The following DOT1L variants were observed in gnomAD, a reference collection of about 807,000 sequenced individuals.
DOT1L encodes histone-lysine N-methyltransferase, H3 lysine-79 specific.
In DOT1L, 33 loss-of-function variants were observed where a neutral mutation model predicts 153.3. The observed-to-expected ratio is 0.22, with a 90% CI of 0.16 to 0.29. DOT1L has a LOEUF of 0.29. Ranked by LOEUF, DOT1L falls within the 10% of genes least tolerant of loss-of-function variation. The pLI is 1.00. For synonymous variants in DOT1L, 1,135 were observed against 965.1 expected, an observed-to-expected ratio of 1.18 and a Z score of -3.26; for missense variants, 1,847 against 2,119.9, an observed-to-expected ratio of 0.87 and a Z score of 2.53.
At chr19:2,224,657 C>T (rs538043080) in intron 25 of DOT1L, among the ~76,000 whole-genome samples, 139 of 152,064 alleles carry the variant, frequency 9.1e-4, no homozygotes, top group African/African-American at 3.0e-3. Flanking sequence ...TTATAGAGAT[C>T]GGGTTTTGCC....
intron 12 of DOT1L, among the ~76,000 whole-genome samples, 186 bp from the exon 13 acceptor site, chr19:2,210,214 C>T (rs2023658017): frequency 6.6e-6 from 1 of 152,276 alleles, no homozygotes; most frequent in Admixed American, 6.5e-5. Flanking sequence ...ACGTCCTGGC[C>T]TGCGGGGCCC....
rs1014064765 is a variant in DOT1L at position 2,190,806 on chromosome 19, C to T, written c.265-206C>T. Among the ~76,000 whole-genome samples, 1 of 151,828 alleles carries T rather than the reference C, an allele frequency of 6.6e-6. No homozygotes were observed. The highest frequency in any genetic ancestry group is 1.5e-5 in the Non-Finnish European group (1 of 67,952). ...CTCCTAGGACCCCTCTGAGTTGGGG[C>T]CTGTCCCTGGGGATGCTGCTTTACT... On this transcript the variant is annotated intron_variant, in intron 4 of 27. Transcript: ENST00000398665. This position sits in a 1 kb window ranked among gnomAD's most constrained non-coding sequence, Gnocchi z 4.8.
chr19:2,213,417 C>G lies in DOT1L; in HGVS notation c.1558-122C>G, dbSNP rs2023782262. 8.2e-6 allele frequency: 8 copies of G among 979,164 alleles called. No homozygotes were observed. In the South Asian group the frequency reaches 1.3e-4, roughly 15 times the overall value. 60.7% of individuals were successfully genotyped at this position (979,164 alleles called of 1,614,324 possible). ...TGACATCTCAGCCCGGTGTGGGTCC[C>G]CTCAGGCATGTCTGTCCTTGAGCGT... On this transcript the variant is annotated intron_variant, in intron 16 of 27. Transcript: ENST00000398665.
intron 1 of DOT1L, among the ~76,000 whole-genome samples, chr19:2,174,558 C>T (rs559882413): frequency 3.3e-5 from 5 of 150,828 alleles, no homozygotes; most frequent in East Asian, 1.9e-4. Flanking sequence ...TGGTGGCGCA[C>T]GCCTGTAATC....
rs116727017 is a variant in DOT1L at position 2,167,210 on chromosome 19, G to T, written c.81+2945G>T. ...CAGTGTTCGCGTGGCGAGGTTCTCA[G>T]GGGTGGACCGCACGGCCTGTGCTAA... is the stretch of plus-strand genomic sequence containing the variant. On this transcript the variant is annotated intron_variant, in intron 1 of 27. Transcript: ENST00000398665. 3.6e-3 allele frequency among the ~76,000 whole-genome samples: 545 copies of T among 152,244 alleles called. 3 individuals carry two copies. The highest frequency in any genetic ancestry group is 0.01 in the African/African-American group (432 of 41,556).
At position 2,210,740 on chromosome 19, in the gene DOT1L, G is replaced by T; in HGVS notation, c.1236G>T (p.Gly412=). Reference sequence around the variant, plus strand: ...GGAAGATGGCTGGCCGCAAGCGCGGGCGCCCCAAGAAGATGAACACTGCGA... The same window carrying T: ...GGAAGATGGCTGGCCGCAAGCGCGGTCGCCCCAAGAAGATGAACACTGCGA... ...KGRKMAGRKR[G]RPKKMNTANP... Residue 412 remains glycine, a synonymous_variant, in exon 14 of 28, where the codon GGG becomes GGT. Transcript: ENST00000398665. 1 of 1,613,182 alleles carries T rather than the reference G, an allele frequency of 6.2e-7. No individual in the cohort carries two copies. Among genetic ancestry groups the T allele is most frequent in the South Asian group, 1.1e-5 (1 of 91,086 alleles).
At chr19:2,196,976 C>T (rs771343657) in intron 7 of DOT1L, among the ~76,000 whole-genome samples, 14 of 151,856 alleles carry the variant, frequency 9.2e-5, no homozygotes, top group Non-Finnish European at 1.6e-4. Context: ...TTCCTCACCC[C>T]GTTGCTGTGA....
rs533550857 is a variant in DOT1L, at chr19:2,231,200, G to C, written c.*1408G>C. 1 of 227,722 alleles carries C rather than the reference G, an allele frequency of 4.4e-6. No homozygotes were observed. Among genetic ancestry groups the C allele is most frequent in the African/African-American group, 2.2e-5 (1 of 44,980 alleles). The allele number at this position is 227,722 out of a possible 1,614,324, so 14.1% of individuals were successfully genotyped here. Reference sequence around the variant, plus strand: ...TGGGATCTGGGAGTCTGAGCTCCCCGCATCTGGCCCTGGGCTGTGTGGCAC... The same window carrying C: ...TGGGATCTGGGAGTCTGAGCTCCCCCCATCTGGCCCTGGGCTGTGTGGCAC... On this transcript the variant is annotated 3_prime_UTR_variant, in exon 28 of 28. Coordinates refer to ENST00000398665, the MANE Select transcript of DOT1L (RefSeq NM_032482.3).
chr19:2,165,191 G>A (rs2019861927), intron 1 of DOT1L, among the ~76,000 whole-genome samples: 1 of 152,202 alleles, frequency 6.6e-6, no homozygotes, highest in South Asian at 2.1e-4. Flanking sequence ...GAAAAGTGAA[G>A]CAGGCGCTGT....
chr19:2,229,238 T>C (rs1392435295), intron 27 of DOT1L: 1 of 985,374 alleles, frequency 1.0e-6, no homozygotes, highest in Non-Finnish European at 1.2e-6. Context: ...CGCTGACCCC[T>C]GAGGGCAGTT....
intron 1 of DOT1L, among the ~76,000 whole-genome samples, chr19:2,179,954 A>C (rs1164874033): frequency 6.6e-6 from 1 of 151,022 alleles, no homozygotes; most frequent in Non-Finnish European, 1.5e-5. Flanking sequence ...GGTGGCGTGC[A>C]CTTGGTCTCT....
chr19:2,226,104 G>A, intron 26 of DOT1L, 79 bp from the exon 27 acceptor site: 8 of 1,436,824 alleles, frequency 5.6e-6, no homozygotes, highest in Non-Finnish European at 7.3e-6. Context: ...CCCGGGCCGT[G>A]GCAGCAGCCC....
At chr19:2,174,986 GTGTGTGTGTATATA>G (rs1484278440) in intron 1 of DOT1L, among the ~76,000 whole-genome samples, 2 of 101,360 alleles carry the variant, frequency 2.0e-5, no homozygotes, top group East Asian at 3.0e-4. Flanking sequence ...GTGTGTGTGT[GTGTGTGTGTATATA>G]TATATTTTTT....
At chr19:2,227,254 C>A in intron 27 of DOT1L, 127 bp downstream of exon 27, 1 of 1,262,376 alleles carries the variant, frequency 7.9e-7, no homozygotes, top group Non-Finnish European at 1.2e-6. Flanking sequence ...GCCGGCCGGC[C>A]CCCGCCATCC....
Position 2,164,363 on chromosome 19 carries a change from C to A in DOT1L, c.81+98C>A, listed in dbSNP as rs571521780. ...CCCCCAAGCCGCGCTCACCGGTCCC[C>A]CCTGCGGAACGGAGACCCTGGACTC... is the stretch of plus-strand genomic sequence containing the variant. On this transcript the variant is annotated intron_variant, in intron 1 of 27. Coordinates refer to ENST00000398665, the MANE Select transcript of DOT1L (RefSeq NM_032482.3). 4.1e-3 allele frequency: 3,292 copies of A among 802,698 alleles called. 18 individuals carry two copies. The highest frequency in any genetic ancestry group is 0.011 in the Middle Eastern group (28 of 2,478). The allele number at this position is 802,698 out of a possible 1,614,324, so 49.7% of individuals were successfully genotyped here.
Position 2,222,260 on chromosome 19 carries a change from G to A in DOT1L, c.3091G>A (p.Asp1031Asn), listed in dbSNP as rs371443260. The change falls in exon 24 of 28, where the codon GAT becomes AAT. Residue 1031 changes from aspartate (D) to asparagine (N), a missense_variant. By Grantham distance (23) the Asp-to-Asn change is conservative. This residue lies in a region of DOT1L where 934 missense variants were observed against 825.3 expected (regional missense o/e 1.13). Transcript: ENST00000398665. The surrounding 1 kb of genome is among the most constrained non-coding windows in gnomAD (Gnocchi z 6.5). The stretch of plus-strand genomic sequence containing the variant: ...GGCCAGCAAGGGAGACCTGCCCTCC[G>A]ATTCCGGCTTCTCAGATCCTGAGAG... ...PEASKGDLPSDSGFSDPESEA... is the reference protein window; with the variant it reads ...PEASKGDLPSNSGFSDPESEA... 5.1e-5 allele frequency: 82 copies of A among 1,613,018 alleles called. No individual in the cohort carries two copies. The highest frequency in any genetic ancestry group is 6.9e-5 in the Non-Finnish European group (81 of 1,179,940).
At position 2,207,702 on chromosome 19, in the gene DOT1L, A is replaced by T. The variant is rs74974755; in HGVS notation, c.963+22A>T. On this transcript the variant is annotated intron_variant, in intron 11 of 27. Transcript: ENST00000398665. The surrounding 1 kb of genome is among the most constrained non-coding windows in gnomAD (Gnocchi z 4.5). ...CATAGTGAGTATCTCGCTGCGCCTCAGCCGCAGGGCCGTCCTGGTCTTCCA... is the reference window on the plus strand; with the variant it reads ...CATAGTGAGTATCTCGCTGCGCCTCTGCCGCAGGGCCGTCCTGGTCTTCCA... The T allele has an allele frequency of 0.015, 24,464 of 1,596,838 alleles. 234 individuals carry two copies. The highest frequency in any genetic ancestry group is 0.018 in the Non-Finnish European group (21,509 of 1,171,356).
At chr19:2,184,466 G>C (rs538064474) in intron 2 of DOT1L, among the ~76,000 whole-genome samples, 1 of 152,008 alleles carries the variant, frequency 6.6e-6, no homozygotes, top group Non-Finnish European at 1.5e-5. Context: ...CGTGGGGTAG[G>C]GGGCAATGAA....
intron 1 of DOT1L, among the ~76,000 whole-genome samples, chr19:2,172,349 C>G (rs2021683601): frequency 6.6e-6 from 1 of 151,660 alleles, no homozygotes; most frequent in Non-Finnish European, 1.5e-5. Context: ...GCCGCCACGC[C>G]CAGCTAATTT....
Sources: gnomAD v4.1 joint callset for allele counts (sites outside exome capture counted in the v4.1 genomes callset) on GRCh38, gnomAD v4.1.1 for gene constraint, gnomAD v4.1.1 regional missense constraint, Gnocchi (gnomAD v3.1) non-coding constraint, MANE v1.5 for transcripts, NCBI Gene and HGNC (gene_info 2026-07-23, HGNC 2026-07-21) for gene names.